CMSS1: variants seen among roughly 807,000 people sequenced by gnomAD.
The protein encoded by CMSS1 is cms1 ribosomal small subunit homolog.
In CMSS1, 33 loss-of-function variants were observed where a neutral mutation model predicts 43.5. That is an observed-to-expected ratio of 0.76 (90% CI 0.57 to 1.01). CMSS1 has a LOEUF of 1.01. CMSS1 is among the 50% of genes least tolerant of loss of function. The pLI, the probability that CMSS1 is intolerant of heterozygous loss-of-function variation, is 0.00. For missense variants in CMSS1, 313 were observed against 326.4 expected (o/e 0.96, Z 0.32); for synonymous variants, 115 against 117.2 (o/e 0.98, Z 0.12).
intron 1 of CMSS1, among the ~76,000 whole-genome samples, chr3:100,106,279 T>G (rs2066394029): frequency 6.6e-6 from 1 of 152,160 alleles, no homozygotes; most frequent in South Asian, 2.1e-4. Flanking sequence ...GGATTTACAC[T>G]TGCAGATGAT....
At chr3:100,033,210 G>A (rs1319304135) in intron 1 of CMSS1, among the ~76,000 whole-genome samples, 1 of 152,140 alleles carries the variant, frequency 6.6e-6, no homozygotes, top group Non-Finnish European at 1.5e-5. Flanking sequence ...AACTAATTGT[G>A]CCTTGTAACA....
intron 1 of CMSS1, among the ~76,000 whole-genome samples, chr3:99,922,675 A>G (rs1707161704): frequency 6.6e-6 from 1 of 152,222 alleles, no homozygotes; most frequent in Admixed American, 6.5e-5. Context: ...TTCAGTATCA[A>G]TAGAGAGGGT....
chr3:100,014,391 A>AT (rs1339941279), intron 1 of CMSS1, among the ~76,000 whole-genome samples: 3 of 151,868 alleles, frequency 2.0e-5, no homozygotes, highest in African/African-American at 7.3e-5. Flanking sequence ...TGGTAGTTCT[A>AT]TTTTTTATTT....
intron 1 of CMSS1, among the ~76,000 whole-genome samples, chr3:99,975,890 C>G (rs1256914195): frequency 6.6e-6 from 1 of 152,034 alleles, no homozygotes; most frequent in Non-Finnish European, 1.5e-5. Flanking sequence ...TAAAATGTCT[C>G]TTTTTGTTGT....
At chr3:100,174,783 ATACAAT>A (rs940937308) in intron 8 of CMSS1, among the ~76,000 whole-genome samples, 1 of 152,210 alleles carries the variant, frequency 6.6e-6, no homozygotes, top group African/African-American at 2.4e-5. Flanking sequence ...ATTGGGATGT[ATACAAT>A]TACAGGCAAT....
intron 1 of CMSS1, among the ~76,000 whole-genome samples, chr3:100,096,470 G>A (rs1441407588): frequency 1.3e-5 from 2 of 152,190 alleles, no homozygotes; most frequent in African/African-American, 4.8e-5. Flanking sequence ...CAACATGGAT[G>A]GAACTGGAGG....
At position 100,141,482 on chromosome 3, in the gene CMSS1, T is replaced by C. The variant is rs889042939; in HGVS notation, c.65-5491T>C. ...GGTGAAGACGGCGGTCTTAACGTAC[T>C]CTTTTGCACATTTTAAAGAACAATT... On this transcript the variant is annotated intron_variant, in intron 1 of 9. Coordinates refer to ENST00000421999, the MANE Select transcript of CMSS1 (RefSeq NM_032359.4). 23 of 446,616 alleles carry C rather than the reference T, an allele frequency of 5.1e-5. No individual in the cohort carries two copies. In the Admixed American group the frequency reaches 5.7e-4, roughly 11 times the overall value. The allele number at this position is 446,616 out of a possible 1,614,324, so 27.7% of individuals were successfully genotyped here.
intron 1 of CMSS1, among the ~76,000 whole-genome samples, chr3:99,904,610 G>GT (rs973170914): frequency 1.3e-5 from 2 of 150,864 alleles, no homozygotes; most frequent in East Asian, 2.0e-4. Context: ...TCTTTTTTTT[G>GT]TTTTTTTGTT....
At chr3:99,991,337 A>G (rs1709504523) in intron 1 of CMSS1, among the ~76,000 whole-genome samples, 1 of 152,192 alleles carries the variant, frequency 6.6e-6, no homozygotes, top group South Asian at 2.1e-4. Flanking sequence ...CACTCAGTGA[A>G]TGTCGCTGGT....
Position 99,850,501 on chromosome 3 carries a change from A to G in CMSS1, c.64+32458A>G, listed in dbSNP as rs770746244. ...ATTGAGATCTCTGCACTGCTCCTCC[A>G]TTTTTATGAGCTCTTCATCTTTCCC... is the stretch of plus-strand genomic sequence containing the variant. On this transcript the variant is annotated intron_variant, in intron 1 of 9. Coordinates refer to ENST00000421999, the MANE Select transcript of CMSS1 (RefSeq NM_032359.4). The G allele has an allele frequency of 8.1e-6, 13 of 1,612,866 alleles. No individual in the cohort carries two copies. In the Admixed American group the frequency reaches 1.7e-4, roughly 21 times the overall value.
At position 100,178,997 on chromosome 3, in the gene CMSS1, A is replaced by G. The variant is rs781088421; in HGVS notation, c.*609A>G. ...GGCAGAAGGTGAAGGGGAAGCAAGC[A>G]CATCTTCACATGGCGACAAGAGAGC... On this transcript the variant is annotated 3_prime_UTR_variant, in exon 10 of 10. Coordinates refer to ENST00000421999, the MANE Select transcript of CMSS1 (RefSeq NM_032359.4). 2.0e-4 allele frequency: 31 copies of G among 158,354 alleles called. No homozygotes were observed. Among genetic ancestry groups the G allele is most frequent in the Non-Finnish European group, 3.7e-4 (27 of 73,106 alleles). The allele number at this position is 158,354 out of a possible 1,614,324, so 9.8% of individuals were successfully genotyped here. A position where few individuals can be genotyped will look rare whatever the true frequency, so the allele number is the denominator to read the frequency against.
intron 8 of CMSS1, 118 bp from the exon 9 acceptor site, chr3:100,176,209 G>A: frequency 1.5e-6 from 1 of 645,956 alleles, no homozygotes; most frequent in Non-Finnish European, 2.7e-6. Flanking sequence ...GCGGAGATTA[G>A]TTACTGGGGG....
At chr3:99,830,551 T>C (rs1300764827) in intron 1 of CMSS1, 4 of 456,740 alleles carry the variant, frequency 8.8e-6, no homozygotes, top group Non-Finnish European at 1.8e-5. Context: ...GTGATGCCTG[T>C]AGATTTCGGT....
intron 1 of CMSS1, among the ~76,000 whole-genome samples, chr3:100,064,866 T>G (rs2065636126): frequency 6.6e-6 from 1 of 151,826 alleles, no homozygotes; most frequent in Non-Finnish European, 1.5e-5. Context: ...AGGGCAGAGA[T>G]TTGGCCAGGG....
chr3:100,050,529 A>G (rs1030248390), intron 1 of CMSS1, among the ~76,000 whole-genome samples: 1 of 151,822 alleles, frequency 6.6e-6, no homozygotes, highest in Non-Finnish European at 1.5e-5. Context: ...TTGTTTGTTT[A>G]TTTGTTTATT....
chr3:100,122,606 A>G (rs896807264), intron 1 of CMSS1, among the ~76,000 whole-genome samples: 2 of 152,262 alleles, frequency 1.3e-5, no homozygotes, highest in African/African-American at 2.4e-5. Context: ...AAGGAACACC[A>G]TGCCACATAC....
chr3:99,961,983 A>T (rs1273353634), intron 1 of CMSS1, among the ~76,000 whole-genome samples: 2 of 152,146 alleles, frequency 1.3e-5, no homozygotes, highest in African/African-American at 2.4e-5. Context: ...AAGGGCTATT[A>T]TAGGGGCCCC....
chr3:99,940,002 A>G (rs1439113979), intron 1 of CMSS1, among the ~76,000 whole-genome samples: 2 of 152,352 alleles, frequency 1.3e-5, no homozygotes, highest in East Asian at 3.9e-4. Context: ...GGCTGTAGAT[A>G]CAGAATAAAC....
At chr3:100,043,409 T>G (rs1478014688) in intron 1 of CMSS1, among the ~76,000 whole-genome samples, 1 of 152,220 alleles carries the variant, frequency 6.6e-6, no homozygotes, top group East Asian at 1.9e-4. Context: ...TTGAGGCTTA[T>G]AGCAGCTCAG....
Sources: allele counts gnomAD v4.1 joint callset (sites outside exome capture counted in the v4.1 genomes callset), GRCh38; gene constraint gnomAD v4.1.1; transcripts MANE v1.5; gene names NCBI Gene and HGNC (gene_info 2026-07-23, HGNC 2026-07-21).